Variants in TRAPPC9 observed in about 807,000 individuals in gnomAD.
TRAPPC9 encodes the protein trafficking protein particle complex subunit 9, also known as IKK2 binding protein.
Under a neutral mutation model 124.0 loss-of-function variants are expected in TRAPPC9, and 83 were observed. The ratio of observed to expected loss-of-function variants is 0.67; its 90% CI spans 0.56 to 0.80. The LOEUF (loss-of-function observed/expected upper bound fraction) is 0.80. Ranked by LOEUF, TRAPPC9 falls within the 30% of genes least tolerant of loss-of-function variation. TRAPPC9 has a pLI of 0.00. For missense variants in TRAPPC9, 1,302 were observed against 1,508.3 expected (o/e 0.86, Z 2.27); for synonymous variants, 638 against 617.5 (o/e 1.03, Z -0.49).
intron 18 of TRAPPC9, among the ~76,000 whole-genome samples, chr8:140,012,807 G>A (rs960757214): frequency 5.3e-5 from 8 of 152,186 alleles, no homozygotes; most frequent in Admixed American, 2.0e-4. Context: ...AAGGACAGGC[G>A]CTGAAGTCTC....
intron 21 of TRAPPC9, among the ~76,000 whole-genome samples, chr8:139,805,602 A>G (rs1476274622): frequency 6.6e-6 from 1 of 152,172 alleles, no homozygotes; most frequent in Non-Finnish European, 1.5e-5. Context: ...ACTGTCCAGG[A>G]GCAGTGAATT....
chr8:139,829,147 C>T (rs188431137), intron 21 of TRAPPC9, among the ~76,000 whole-genome samples: 4 of 152,340 alleles, frequency 2.6e-5, no homozygotes, highest in East Asian at 3.9e-4. Context: ...CTGTAACATA[C>T]ATATGTGTAC....
chr8:139,934,026 A>G (rs1833364085), intron 19 of TRAPPC9: 1 of 152,202 alleles, frequency 6.6e-6, no homozygotes, highest in African/African-American at 2.4e-5. Flanking sequence ...ATATTTCTCC[A>G]TCCTTAGCTG....
intron 21 of TRAPPC9, among the ~76,000 whole-genome samples, chr8:139,834,460 T>C (rs114273804): frequency 0.019 from 2,877 of 152,274 alleles, 78 homozygotes; most frequent in African/African-American, 0.064. Flanking sequence ...GAGCTGGCTT[T>C]CTGAGGAAGG....
At chr8:139,925,499 G>A (rs1832754713) in intron 19 of TRAPPC9, among the ~76,000 whole-genome samples, 1 of 152,162 alleles carries the variant, frequency 6.6e-6, no homozygotes, top group Non-Finnish European at 1.5e-5. Flanking sequence ...TGTAATCCCA[G>A]CACTTTGGGA....
intron 17 of TRAPPC9, among the ~76,000 whole-genome samples, chr8:140,185,651 G>A (rs779266192): frequency 7.9e-5 from 12 of 152,274 alleles, no homozygotes; most frequent in African/African-American, 2.6e-4. Flanking sequence ...GGGCTCAGCC[G>A]CATTCCCACA....
At position 140,282,965 on chromosome 8, in the gene TRAPPC9, C is replaced by T. The variant is rs528604991; in HGVS notation, c.2114+924G>A. On this transcript the variant is annotated intron_variant, in intron 14 of 22. Transcript: ENST00000438773. The stretch of plus-strand genomic sequence containing the variant: ...TTACAGGATAAGAGTTGGCTGAGCA[C>T]GGTGGCTCACACCTGTAATCCCAGC... Among the ~76,000 whole-genome samples, 34 of 152,066 alleles carry T rather than the reference C, an allele frequency of 2.2e-4. No individual in the cohort carries two copies. In the East Asian group the frequency reaches 4.1e-3, roughly 18 times the overall value.
Position 140,311,282 on chromosome 8 carries a change from G to T in TRAPPC9, c.1588C>A (p.Pro530Thr). The T allele has an allele frequency of 6.2e-7, 1 of 1,613,188 alleles. No homozygotes were observed. ...PIALPGGLTLPPVPFTKLPIV... is the reference protein window; with the variant it reads ...PIALPGGLTLTPVPFTKLPIV... The stretch of plus-strand genomic sequence containing the variant: ...GGAAGCTTGGTGAAGGGCACCGGTG[G>T]CAGGGTGAGGCCGCCAGGGAGGGCG... Residue 530 changes from proline (P) to threonine (T), a missense_variant, in exon 10 of 23, where the codon CCA (proline) becomes ACA (threonine). Physicochemically the swap from Pro to Thr is conservative, Grantham distance 38 (BLOSUM62 -1). Coordinates refer to ENST00000438773, the MANE Select transcript of TRAPPC9 (RefSeq NM_001160372.4).
In TRAPPC9 at chr8:139,731,213, G is replaced by A; in HGVS notation, c.3295C>T (p.Gln1099Ter). 6.2e-7 allele frequency: 1 copy of A among 1,613,510 alleles called. No individual in the cohort carries two copies. The highest frequency in any genetic ancestry group is 1.1e-5 in the South Asian group (1 of 91,066). Reference sequence around the variant, plus strand: ...AGGAGGGCCCCGAGGCAGGCCGACTGGCCGGACGGCTGCACCTGAGCAGGG... The same window carrying A: ...AGGAGGGCCCCGAGGCAGGCCGACTAGCCGGACGGCTGCACCTGAGCAGGG... ...FYLDAVQPSG[Q>*]SACLGALLFL... Residue 1099 changes from glutamine to a stop codon, truncating the protein, a stop_gained, in exon 23 of 23, where the codon CAG (glutamine) becomes TAG (stop). Coordinates refer to ENST00000438773, the MANE Select transcript of TRAPPC9 (RefSeq NM_001160372.4). LOFTEE classifies it low-confidence loss of function (END_TRUNC).
chr8:140,336,456 G>A (rs1468788320), intron 9 of TRAPPC9, among the ~76,000 whole-genome samples: 1 of 152,146 alleles, frequency 6.6e-6, no homozygotes, highest in African/African-American at 2.4e-5. Context: ...CTGGAAATAT[G>A]TAGAAAATGC....
rs565362144 is a variant in TRAPPC9 at position 139,730,880 on chromosome 8, C to T, written c.*181G>A. 4.1e-4 allele frequency: 272 copies of T among 670,542 alleles called. No homozygotes were observed. The African/African-American group carries it at 4.2e-3, about 10-fold the overall frequency. The allele number at this position is 670,542 out of a possible 1,614,324, so 41.5% of individuals were successfully genotyped here. A position where few individuals can be genotyped will look rare whatever the true frequency, so the allele number is the denominator to read the frequency against. On this transcript the variant is annotated 3_prime_UTR_variant, in exon 23 of 23. Coordinates refer to ENST00000438773, the MANE Select transcript of TRAPPC9 (RefSeq NM_001160372.4). ...TGGCATGGGGTGGGGCTGCCATGTCCGGGGCTTCTGCGTAGCCCAGCAAAG... is the reference window on the plus strand; with the variant it reads ...TGGCATGGGGTGGGGCTGCCATGTCTGGGGCTTCTGCGTAGCCCAGCAAAG...
Position 139,876,664 on chromosome 8 carries a change from T to C in TRAPPC9, c.3055+9215A>G, listed in dbSNP as rs560740834. On this transcript the variant is annotated intron_variant, in intron 21 of 22. Transcript: ENST00000438773. ...CAGAGTAGTGATCAACAGATGTTTA[T>C]TGAATGAATGGATGGATCAATCAAT... Among the ~76,000 whole-genome samples the C allele has an allele frequency of 1.2e-3, 178 of 152,312 alleles. 1 individual carries two copies. The highest frequency in any genetic ancestry group is 2.3e-3 in the African/African-American group (94 of 41,568).
At chr8:140,394,321 T>A (rs1588275139) in intron 7 of TRAPPC9, among the ~76,000 whole-genome samples, 1 of 152,178 alleles carries the variant, frequency 6.6e-6, no homozygotes, top group African/African-American at 2.4e-5. Flanking sequence ...TCACAAAAGA[T>A]GTCTCTTTAC....
At chr8:139,797,237 A>G (rs1331032743) in intron 21 of TRAPPC9, among the ~76,000 whole-genome samples, 1 of 146,610 alleles carries the variant, frequency 6.8e-6, no homozygotes, top group Non-Finnish European at 1.6e-5. Flanking sequence ...AGAAACACAC[A>G]TGTTTTTAAT....
At chr8:139,938,542 C>T (rs1040613782) in intron 19 of TRAPPC9, among the ~76,000 whole-genome samples, 25 of 152,136 alleles carry the variant, frequency 1.6e-4, no homozygotes, top group African/African-American at 5.3e-4. Flanking sequence ...GCCTCGGCCT[C>T]CCAAAGTGCT....
At chr8:139,968,065 A>G (rs59054928) in intron 19 of TRAPPC9, among the ~76,000 whole-genome samples, 9,061 of 151,712 alleles carry the variant, frequency 0.06, 642 homozygotes, top group African/African-American at 0.17. Flanking sequence ...TGCTTGAACC[A>G]GGGAGGTGGA....
intron 19 of TRAPPC9, among the ~76,000 whole-genome samples, chr8:139,912,071 T>G (rs1238877467): frequency 6.6e-6 from 1 of 152,224 alleles, no homozygotes; most frequent in Non-Finnish European, 1.5e-5. Context: ...TCTGGTTCTC[T>G]AAGTAGATAG....
intron 1 of TRAPPC9, among the ~76,000 whole-genome samples, chr8:140,456,000 C>A (rs770350751): frequency 2.0e-5 from 3 of 152,290 alleles, no homozygotes; most frequent in Middle Eastern, 3.4e-3. Context: ...CCGGTGGCCG[C>A]CAGGGGCTGT....
chr8:139,828,881 G>A (rs1242933807), intron 21 of TRAPPC9, among the ~76,000 whole-genome samples: 1 of 152,172 alleles, frequency 6.6e-6, no homozygotes, highest in Admixed American at 6.5e-5. Context: ...CAATCCGAGG[G>A]AGGGCTCACC....
Sources: gnomAD v4.1 joint callset for allele counts (sites outside exome capture counted in the v4.1 genomes callset) on GRCh38, gnomAD v4.1.1 for gene constraint, MANE v1.5 for transcripts, NCBI Gene and HGNC (gene_info 2026-07-23, HGNC 2026-07-21) for gene names.